CNKSR2: variants seen among roughly 807,000 people sequenced by gnomAD.
CNKSR2 encodes connector enhancer of kinase suppressor of Ras 2, also known as CNK homolog protein 2.
In CNKSR2, 14 loss-of-function variants were observed where a neutral mutation model predicts 84.4. The observed-to-expected ratio is 0.17, with a 90% CI of 0.11 to 0.26. The LOEUF (loss-of-function observed/expected upper bound fraction) is 0.26. CNKSR2 is among the 10% of genes least tolerant of loss of function. CNKSR2 has a pLI of 1.00. For missense variants in CNKSR2, 485 were observed against 771.2 expected (o/e 0.63, Z 4.40); for synonymous variants, 275 against 277.9 (o/e 0.99, Z 0.10).
chrX:21,557,327 G>A (rs983047741), intron 11 of CNKSR2, among the ~76,000 whole-genome samples: 6 of 110,753 alleles, frequency 5.4e-5, no homozygotes, highest in South Asian at 3.8e-4. Flanking sequence ...TTGCTTAATT[G>A]CGCTGAATAT....
chrX:21,399,996 A>G (rs145548012), intron 1 of CNKSR2, among the ~76,000 whole-genome samples: 33 of 111,150 alleles, frequency 3.0e-4, no homozygotes, highest in African/African-American at 1.0e-3. Flanking sequence ...CACTTAGTAC[A>G]TTCTAGTTCA....
intron 11 of CNKSR2, among the ~76,000 whole-genome samples, chrX:21,552,901 C>T (rs1467812455): frequency 8.9e-6 from 1 of 111,926 alleles, no homozygotes. Flanking sequence ...GTAAAAATTA[C>T]ACACTGAATA....
chrX:21,486,250 A>C (rs1309819537), intron 5 of CNKSR2, among the ~76,000 whole-genome samples: 1 of 112,266 alleles, frequency 8.9e-6, no homozygotes, highest in Non-Finnish European at 1.9e-5. Context: ...AAATTGCTCT[A>C]AGTTTTCCCA....
At chrX:21,452,195 A>G (rs1194361125) in intron 4 of CNKSR2, among the ~76,000 whole-genome samples, 1 of 111,631 alleles carries the variant, frequency 9.0e-6, no homozygotes, top group African/African-American at 3.3e-5. Flanking sequence ...GGTTCAAGCA[A>G]TTCTCCTGCC....
intron 13 of CNKSR2, among the ~76,000 whole-genome samples, chrX:21,576,524 A>C (rs2092320164): frequency 8.9e-6 from 1 of 111,987 alleles, no homozygotes; most frequent in Non-Finnish European, 1.9e-5. Flanking sequence ...GAATTCAATG[A>C]AGTTGAAAAC....
intron 20 of CNKSR2, among the ~76,000 whole-genome samples, chrX:21,631,583 T>TA (rs2092648165): frequency 8.9e-6 from 1 of 112,046 alleles, no homozygotes; most frequent in South Asian, 3.7e-4. Context: ...CCAAGTCTGA[T>TA]ATATTGTGTG....
intron 8 of CNKSR2, 107 bp from the exon 9 acceptor site, chrX:21,516,378 C>T: frequency 6.1e-6 from 5 of 818,388 alleles, no homozygotes; most frequent in Non-Finnish European, 8.7e-6. Flanking sequence ...TAGGATGGTA[C>T]ACCAATTATG....
At chrX:21,493,175 A>G (rs944226339) in intron 6 of CNKSR2, 1 of 112,396 alleles carries the variant, frequency 8.9e-6, no homozygotes, top group African/African-American at 3.2e-5. Context: ...CTGGTGAGAA[A>G]CAACCTTAGT....
intron 11 of CNKSR2, among the ~76,000 whole-genome samples, chrX:21,558,661 A>C (rs1298736262): frequency 9.0e-6 from 1 of 110,950 alleles, no homozygotes; most frequent in Non-Finnish European, 1.9e-5. Flanking sequence ...TACATGCTTC[A>C]ATGACTTAGC....
intron 8 of CNKSR2, among the ~76,000 whole-genome samples, chrX:21,507,941 A>G (rs1174280772): frequency 8.9e-6 from 1 of 111,866 alleles, no homozygotes; most frequent in Non-Finnish European, 1.9e-5. Context: ...GCATCTTTGT[A>G]AGAAGAACAG....
Position 21,652,571 on chromosome X carries a change from TA to T in CNKSR2, c.*51del. On this transcript the variant is annotated 3_prime_UTR_variant, in exon 22 of 22. Coordinates refer to ENST00000379510, the MANE Select transcript of CNKSR2 (RefSeq NM_014927.5). ...AGTACCTGCTGGTACTCTGAACAAG[TA>T]TATAAGGTAGTTTTTATATCAATGT... The T allele has an allele frequency of 1.0e-6, 1 of 959,855 alleles. No individual in the cohort carries two copies. The highest frequency in any genetic ancestry group is 1.5e-6 in the Non-Finnish European group (1 of 676,978). The allele number at this position is 959,855 out of a possible 1,213,427, so 79.1% of individuals were successfully genotyped here. A position where few individuals can be genotyped will look rare whatever the true frequency, so the allele number is the denominator to read the frequency against.
At chrX:21,388,445 G>A (rs187409692) in intron 1 of CNKSR2, among the ~76,000 whole-genome samples, 1 of 111,684 alleles carries the variant, frequency 9.0e-6, no homozygotes, top group African/African-American at 3.2e-5. Context: ...ATATTCTAGG[G>A]CTGGGATAGG....
chrX:21,409,243 TATATA>T, intron 1 of CNKSR2, among the ~76,000 whole-genome samples: 1 of 39,137 alleles, frequency 2.6e-5, no homozygotes, highest in East Asian at 1.0e-3. Context: ...TATATATATA[TATATA>T]TATATATATA....
chrX:21,506,327 A>C (rs2091611878), intron 8 of CNKSR2: 1 of 111,526 alleles, frequency 9.0e-6, no homozygotes, highest in African/African-American at 3.3e-5. Flanking sequence ...ACATATACCA[A>C]AAATTAAGGA....
chrX:21,536,403 A>G (rs770245220), intron 11 of CNKSR2, among the ~76,000 whole-genome samples: 5 of 110,809 alleles, frequency 4.5e-5, no homozygotes, highest in Non-Finnish European at 9.5e-5. Flanking sequence ...TTCCTCCTCT[A>G]CTATTTTTTC....
intron 13 of CNKSR2, among the ~76,000 whole-genome samples, chrX:21,564,442 A>G (rs1271541599): frequency 3.6e-5 from 4 of 111,659 alleles, no homozygotes; most frequent in Non-Finnish European, 5.7e-5. Flanking sequence ...TAGCAAGAAC[A>G]TTTAATCCAC....
chrX:21,619,441 C>T (rs2092592250), intron 20 of CNKSR2, among the ~76,000 whole-genome samples: 1 of 111,062 alleles, frequency 9.0e-6, no homozygotes, highest in African/African-American at 3.3e-5. Flanking sequence ...AATAGTTTTT[C>T]ATTTCCTTCC....
rs2089772854 is a variant in CNKSR2 at position 21,374,615 on chromosome X, A to AGCAGCAGCAGCAGCCGCCGCC, written c.-269_-268insCGCCGCCGCAGCAGCAGCAGC. On this transcript the variant is annotated 5_prime_UTR_variant, in exon 1 of 22. Coordinates refer to ENST00000379510, the MANE Select transcript of CNKSR2 (RefSeq NM_014927.5). ...CGGAGGCAGCAGCAGCAGCAGCAGC[A>AGCAGCAGCAGCAGCCGCCGCC]GCAGCAGCAGCAGCAGCCGCCGCCG... 9.9e-6 allele frequency: 5 copies of AGCAGCAGCAGCAGCCGCCGCC among 504,778 alleles called. No homozygotes were observed. The highest frequency in any genetic ancestry group is 1.7e-5 in the Non-Finnish European group (5 of 288,184). 41.6% of individuals were successfully genotyped at this position (504,778 alleles called of 1,213,427 possible).
In CNKSR2 at chrX:21,641,849, A is replaced by AT. The variant is rs768316238; in HGVS notation, c.2693-6981dup. 44 of 913,843 alleles carry AT rather than the reference A, an allele frequency of 4.8e-5. No individual in the cohort carries two copies. In the South Asian group the frequency reaches 2.1e-3, roughly 43 times the overall value. 75.3% of individuals were successfully genotyped at this position (913,843 alleles called of 1,213,427 possible). ...GCGAGCTTTCTACATTGGGACTAGC[A>AT]TAAGATCAAAGCCAATCAAGATGGA... is the stretch of plus-strand genomic sequence containing the variant. On this transcript the variant is annotated intron_variant, in intron 20 of 21. Transcript: ENST00000379510.
Sources: gnomAD v4.1 joint callset for allele counts (sites outside exome capture counted in the v4.1 genomes callset) on GRCh38, gnomAD v4.1.1 for gene constraint, MANE v1.5 for transcripts, NCBI Gene and HGNC (gene_info 2026-07-23, HGNC 2026-07-21) for gene names.